Variants in DAB1 observed in about 807,000 individuals in gnomAD.
The protein encoded by DAB1 is disabled homolog 1.
A neutral mutation model predicts 64.6 loss-of-function variants in DAB1; 15 were observed. The ratio of observed to expected loss-of-function variants is 0.23; its 90% confidence interval spans 0.16 to 0.36. DAB1 has a LOEUF of 0.36. Among genes scored for constraint, DAB1 ranks in the 10% least tolerant of loss-of-function variants. DAB1 has a pLI of 1.00. For synonymous variants in DAB1, 235 were observed against 251.9 expected, an observed-to-expected ratio of 0.93 and a Z score of 0.64; for missense variants, 596 against 706.7, an observed-to-expected ratio of 0.84 and a Z score of 1.78.
chr1:57,213,042 C>T (rs371025937), intron 2 of DAB1, among the ~76,000 whole-genome samples: 14 of 152,128 alleles, frequency 9.2e-5, no homozygotes, highest in African/African-American at 3.1e-4. Flanking sequence ...GAGTGGGAGG[C>T]GAGTCTAGGT....
chr1:57,223,104 C>T (rs77518780), intron 2 of DAB1, among the ~76,000 whole-genome samples: 2,056 of 152,228 alleles, frequency 0.014, 46 homozygotes, highest in African/African-American at 0.048. Context: ...ACATGTAGGG[C>T]TCTTTCATAA....
In DAB1 at chr1:57,626,849, G is replaced by T. The variant is rs370775445; in HGVS notation, n.625+22743C>A. ...CTCATGACCTAATCACCCCACAAAG[G>T]CCCTGCCTCCTAATACTATCACCTT... On this transcript the variant is annotated intron_variant and non_coding_transcript_variant, in intron 7 of 20. Coordinates refer to the DAB1 transcript ENST00000485760. Among the ~76,000 whole-genome samples, 7 of 152,170 alleles carry T rather than the reference G, an allele frequency of 4.6e-5. No individual in the cohort carries two copies. In the East Asian group the frequency reaches 7.8e-4, roughly 17 times the overall value.
intron 6 of DAB1, among the ~76,000 whole-genome samples, chr1:57,689,463 T>C (rs1646738001): frequency 6.6e-6 from 1 of 152,122 alleles, no homozygotes; most frequent in Non-Finnish European, 1.5e-5. Context: ...AAAAGGAAGA[T>C]TCCATTTAAA....
intron 5 of DAB1, chr1:58,056,048 TC>T (rs1648050442): frequency 2.3e-6 from 2 of 882,122 alleles, no homozygotes; most frequent in Non-Finnish European, 3.6e-6. Context: ...TCATGTGCAT[TC>T]TTTTTTTTTT....
intron 1 of DAB1, among the ~76,000 whole-genome samples, chr1:57,297,582 T>G (rs976454505): frequency 1.3e-5 from 2 of 152,066 alleles, no homozygotes; most frequent in African/African-American, 4.8e-5. Context: ...ATAAATCAAG[T>G]AAGATAAAAT....
chr1:57,910,019 CAT>C (rs1453169879), intron 5 of DAB1, among the ~76,000 whole-genome samples: 3 of 152,176 alleles, frequency 2.0e-5, no homozygotes, highest in Non-Finnish European at 4.4e-5. Flanking sequence ...TACAGAGTCT[CAT>C]AAATAGGACA....
At chr1:57,516,777 A>T (rs1164404450) in intron 7 of DAB1, among the ~76,000 whole-genome samples, 1 of 152,100 alleles carries the variant, frequency 6.6e-6, no homozygotes, top group Non-Finnish European at 1.5e-5. Flanking sequence ...AGCCTTGTTC[A>T]TTGAATAGTT....
At chr1:57,396,106 G>A (rs139805525) in intron 1 of DAB1, among the ~76,000 whole-genome samples, 25 of 152,326 alleles carry the variant, frequency 1.6e-4, no homozygotes, top group South Asian at 4.1e-4. Flanking sequence ...GAGCAAAAGC[G>A]CTGAGAGGTC....
chr1:57,953,849 T>C (rs1000965256), intron 5 of DAB1, among the ~76,000 whole-genome samples: 1 of 152,158 alleles, frequency 6.6e-6, no homozygotes, highest in African/African-American at 2.4e-5. Flanking sequence ...CCTTACCCTA[T>C]GGCTACATGT....
intron 3 of DAB1, among the ~76,000 whole-genome samples, chr1:58,458,119 T>G (rs555980164): frequency 6.6e-6 from 1 of 152,220 alleles, no homozygotes; most frequent in Admixed American, 6.5e-5. Flanking sequence ...GTCACAAGAT[T>G]CAGGTGGCTT....
At chr1:58,393,450 C>T (rs1193260583) in intron 3 of DAB1, among the ~76,000 whole-genome samples, 2 of 152,166 alleles carry the variant, frequency 1.3e-5, no homozygotes, top group Non-Finnish European at 2.9e-5. Flanking sequence ...TTAATCTTCA[C>T]AAACTCTAAG....
chr1:57,384,466 A>G (rs912710192), intron 1 of DAB1, among the ~76,000 whole-genome samples: 2 of 152,232 alleles, frequency 1.3e-5, no homozygotes, highest in Non-Finnish European at 1.5e-5. Context: ...TTGTCTACCC[A>G]TATTCATAGC....
rs534544522 is a variant in DAB1 at position 57,726,466 on chromosome 1, T to C, written n.552-76801A>G. The stretch of plus-strand genomic sequence containing the variant: ...GGAAATGTAAACTAGTTCTACATGA[T>C]GGAAATTGAGAATGAGGCCACAGAG... On this transcript the variant is annotated intron_variant and non_coding_transcript_variant, in intron 6 of 20. Coordinates refer to the DAB1 transcript ENST00000485760. Among the ~76,000 whole-genome samples the C allele has an allele frequency of 6.3e-4, 96 of 152,236 alleles. 3 individuals are homozygous for C. In the South Asian group the frequency reaches 0.016, roughly 25 times the overall value.
At chr1:58,454,093 C>A (rs1456840123) in intron 3 of DAB1, among the ~76,000 whole-genome samples, 1 of 152,146 alleles carries the variant, frequency 6.6e-6, no homozygotes, top group Non-Finnish European at 1.5e-5. Flanking sequence ...CTCAGCCCAA[C>A]TTTTTAAATC....
intron 1 of DAB1, among the ~76,000 whole-genome samples, chr1:57,344,618 G>C (rs950195235): frequency 2.0e-5 from 3 of 151,794 alleles, no homozygotes; most frequent in Non-Finnish European, 4.4e-5. Flanking sequence ...TAGAGGTTTC[G>C]GCAAAAACAA....
chr1:57,496,849 GA>G (rs1385446773), intron 7 of DAB1, among the ~76,000 whole-genome samples: 2 of 152,036 alleles, frequency 1.3e-5, no homozygotes, highest in African/African-American at 4.8e-5. Context: ...TCTGGACTTT[GA>G]AAAAAACATG....
intron 9 of DAB1, among the ~76,000 whole-genome samples, chr1:57,054,470 CTTTTTTTTTTTTT>C (rs58175883): frequency 1.4e-5 from 1 of 69,450 alleles, no homozygotes; most frequent in Admixed American, 2.1e-4. Flanking sequence ...CAGGAATGTG[CTTTTTTTTTTTTT>C]TTTTTTTTTT....
At chr1:57,513,602 C>T (rs574677705) in intron 7 of DAB1, among the ~76,000 whole-genome samples, 70 of 152,292 alleles carry the variant, frequency 4.6e-4, no homozygotes, top group African/African-American at 1.5e-3. Context: ...TGCTACACAA[C>T]ATGATGTTTT....
intron 8 of DAB1, among the ~76,000 whole-genome samples, chr1:57,064,810 T>C (rs1262990842): frequency 2.6e-5 from 4 of 152,194 alleles, no homozygotes; most frequent in African/African-American, 9.7e-5. Context: ...CCAGAGCTGA[T>C]CTTGCAAGCT....
Sources: allele counts gnomAD v4.1 joint callset (sites outside exome capture counted in the v4.1 genomes callset), GRCh38; gene constraint gnomAD v4.1.1; transcripts MANE v1.5; gene names NCBI Gene and HGNC (gene_info 2026-07-23, HGNC 2026-07-21).